Variants in CPAP observed in about 807,000 individuals in gnomAD.
CPAP encodes the protein centrosome assembly and centriole elongation protein, also known as centrosomal P4.1-associated protein.
the CPAP span, among the ~76,000 whole-genome samples, chr13:24,917,110 G>T: frequency 4.6e-5 from 7 of 152,076 alleles, no homozygotes; most frequent in South Asian, 1.5e-3. Flanking sequence ...ATTAGCCGGG[G>T]GTGGTGGCGG....
At chr13:24,909,626 T>C in the CPAP span, among the ~76,000 whole-genome samples, 1 of 151,652 alleles carries the variant, frequency 6.6e-6, no homozygotes. Context: ...GAGAGGCTGA[T>C]GGGGGAAGAT....
chr13:24,892,678 T>A, the CPAP span: 1 of 1,614,104 alleles, frequency 6.2e-7, no homozygotes, highest in South Asian at 1.1e-5. Context: ...TCGAGGCTGC[T>A]CTCTATGGCT....
the CPAP span, among the ~76,000 whole-genome samples, chr13:24,927,517 G>C: frequency 6.6e-6 from 1 of 152,088 alleles, no homozygotes; most frequent in Non-Finnish European, 1.5e-5. Context: ...CCTTCCCCCC[G>C]CAGTGATTCC....
chr13:24,926,371 CTGT>C, the CPAP span, among the ~76,000 whole-genome samples: 1 of 152,104 alleles, frequency 6.6e-6, no homozygotes, highest in South Asian at 2.1e-4. Context: ...CTAATGCAAA[CTGT>C]TGTTTTCAAT....
the CPAP span, among the ~76,000 whole-genome samples, chr13:24,908,458 A>AAAAAAAAAAAAAAAAG: frequency 7.7e-6 from 1 of 129,222 alleles, no homozygotes; most frequent in Non-Finnish European, 1.7e-5. Context: ...AAAAAAAAAA[A>AAAAAAAAAAAAAAAAG]AAAAAATTAG....
At chr13:24,919,488 C>T in the CPAP span, among the ~76,000 whole-genome samples, 52 of 152,018 alleles carry the variant, frequency 3.4e-4, no homozygotes, top group African/African-American at 1.2e-3. Flanking sequence ...GGCATGATCA[C>T]GGCTCAGTGG....
the CPAP span, among the ~76,000 whole-genome samples, chr13:24,931,766 A>G: frequency 6.6e-6 from 1 of 152,192 alleles, no homozygotes; most frequent in African/African-American, 2.4e-5. Context: ...AAGTAAATTT[A>G]TTATCTCACT....
the CPAP span, chr13:24,882,418 CA>C: frequency 6.6e-6 from 1 of 151,926 alleles, no homozygotes; most frequent in Non-Finnish European, 1.5e-5. Flanking sequence ...TATAAATTTA[CA>C]AGTAAGTAAG....
chr13:24,917,705 T>C, the CPAP span, among the ~76,000 whole-genome samples: 1 of 152,258 alleles, frequency 6.6e-6, no homozygotes, highest in South Asian at 2.1e-4. Context: ...TTGGTCCATT[T>C]TCTGCTGCTA....
the CPAP span, chr13:24,884,353 G>A: frequency 2.0e-5 from 32 of 1,614,064 alleles, no homozygotes; most frequent in South Asian, 2.1e-4. Context: ...CCTGCTTCAC[G>A]TCACCATTAA....
the CPAP span, chr13:24,912,057 G>GT: frequency 3.1e-6 from 5 of 1,613,376 alleles, no homozygotes; most frequent in Non-Finnish European, 4.2e-6. Context: ...TTCTTCTGTT[G>GT]TACTTCTTTC....
chr13:24,884,613 T>C, the CPAP span: 5 of 770,196 alleles, frequency 6.5e-6, no homozygotes, highest in East Asian at 2.7e-5. Flanking sequence ...AGTAGCAAAC[T>C]CGTGATTTTC....
At chr13:24,900,339 A>G in the CPAP span, among the ~76,000 whole-genome samples, 1 of 152,198 alleles carries the variant, frequency 6.6e-6, no homozygotes, top group African/African-American at 2.4e-5. Context: ...AAGGTGTCAA[A>G]AAAGGAGGAG....
At chr13:24,888,161 G>A in the CPAP span, among the ~76,000 whole-genome samples, 3 of 152,248 alleles carry the variant, frequency 2.0e-5, no homozygotes, top group East Asian at 5.8e-4. Flanking sequence ...AGAAAATGGT[G>A]TACTTGTGGC....
the CPAP span, among the ~76,000 whole-genome samples, chr13:24,894,808 C>A: frequency 6.6e-6 from 1 of 151,924 alleles, no homozygotes; most frequent in East Asian, 1.9e-4. Flanking sequence ...GAGGGAGAGG[C>A]CGCAGCCAGC....
chr13:24,883,996 A>G, the CPAP span: 13 of 1,614,154 alleles, frequency 8.1e-6, no homozygotes, highest in Non-Finnish European at 1.0e-5. Context: ...ATCTGGGAAA[A>G]TGCTTTCTTC....
chr13:24,916,721 T>G, the CPAP span, among the ~76,000 whole-genome samples: 1 of 152,228 alleles, frequency 6.6e-6, no homozygotes, highest in Non-Finnish European at 1.5e-5. Context: ...CTCAACAATT[T>G]CACATCTAGG....
the CPAP span, among the ~76,000 whole-genome samples, chr13:24,929,435 C>A: frequency 6.6e-6 from 1 of 152,330 alleles, no homozygotes; most frequent in Non-Finnish European, 1.5e-5. Flanking sequence ...TTTCTTTCAG[C>A]ACTTTATATC....
At chr13:24,893,096 A>G in the CPAP span, among the ~76,000 whole-genome samples, 1 of 152,202 alleles carries the variant, frequency 6.6e-6, no homozygotes, top group Non-Finnish European at 1.5e-5. Context: ...GGAGAAAGGA[A>G]GGCAGACAGC....
Sources: allele counts gnomAD v4.1 joint callset (sites outside exome capture counted in the v4.1 genomes callset), GRCh38; gene constraint gnomAD v4.1.1; transcripts MANE v1.5; gene names NCBI Gene and HGNC (gene_info 2026-07-23, HGNC 2026-07-21).